Variants in HYI observed in about 807,000 individuals in gnomAD.
HYI encodes the protein putative hydroxypyruvate isomerase.
HYI carries 47 observed loss-of-function variants against 39.7 expected under a neutral mutation model. The observed-to-expected ratio is 1.18, with a 90% CI of 0.94 to 1.51. HYI has a LOEUF of 1.51. HYI is among the 40% of genes most tolerant of loss of function. HYI has a pLI of 0.00. For synonymous variants in HYI, 186 were observed against 158.8 expected (o/e 1.17, Z -1.29); for missense variants, 465 against 370.3 (o/e 1.26, Z -2.10).
At chr1:43,452,077 A>G in intron 3 of HYI, 64 bp from the exon 4 acceptor site, 2 of 1,545,650 alleles carry the variant, frequency 1.3e-6, no homozygotes, top group Non-Finnish European at 1.8e-6. Flanking sequence ...TCAGTCAGTC[A>G]CTGGTCAAGG....
Position 43,453,621 on chromosome 1 carries a change from C to G in HYI, c.173G>C (p.Arg58Pro). ...LARAAREAGL[R>P]LVLINTPPGD... is the part of the protein sequence containing the mutation. ...CGGGGGCGTGTTGATCAGTACAAGC[C>G]GCAGCCCCGCTTCTCGCGCGGCGCG... The change falls in exon 1 of 8, where the codon CGG becomes CCG. Residue 58 changes from arginine to proline, a missense_variant. Physicochemically the swap from Arg to Pro is moderately radical, Grantham distance 103. Transcript: ENST00000372430. 6.7e-7 allele frequency: 1 copy of G among 1,500,222 alleles called. No homozygotes were observed. Among genetic ancestry groups the G allele is most frequent in the South Asian group, 1.3e-5 (1 of 78,944 alleles). The allele number at this position is 1,500,222 out of a possible 1,614,324, so 92.9% of individuals were successfully genotyped here.
At position 43,453,602 on chromosome 1, in the gene HYI, C is replaced by G. The variant is rs918019477; in HGVS notation, c.192G>C (p.Thr64=). 1 of 1,523,144 alleles carries G rather than the reference C, an allele frequency of 6.6e-7. No homozygotes were observed. Among genetic ancestry groups the G allele is most frequent in the African/African-American group, 1.4e-5 (1 of 72,132 alleles). The allele number at this position is 1,523,144 out of a possible 1,614,324, so 94.4% of individuals were successfully genotyped here. ...TCCCGGCCCGCGACGCACCCGGGGGCGTGTTGATCAGTACAAGCCGCAGCC... is the reference window on the plus strand; with the variant it reads ...TCCCGGCCCGCGACGCACCCGGGGGGGTGTTGATCAGTACAAGCCGCAGCC... ...EAGLRLVLIN[T]PPGDQEKGEM... is the part of the protein sequence containing the mutation. Residue 64 remains threonine, a synonymous_variant, in exon 1 of 8, where the codon ACG becomes ACC. Transcript: ENST00000372430.
rs1178290942 is a variant in HYI at position 43,453,546 on chromosome 1, G to GC, written c.199+48dup. The GC allele has an allele frequency of 9.9e-6, 15 of 1,520,212 alleles. 1 individual carries two copies. The highest frequency in any genetic ancestry group is 9.7e-5 in the African/African-American group (7 of 72,512). 94.2% of individuals were successfully genotyped at this position (1,520,212 alleles called of 1,614,324 possible). ...CCCCGGCTCGGACACTCCCCTGCCC[G>GC]CGCCCCGGCACCCCCCAGCCCTCCC... On this transcript the variant is annotated intron_variant, in intron 1 of 7. Transcript: ENST00000372430.
Position 43,453,402 on chromosome 1 carries a change from C to T in HYI, c.295G>A (p.Ala99Thr), listed in dbSNP as rs137998671. 3.2e-6 allele frequency: 5 copies of T among 1,555,744 alleles called. No homozygotes were observed. Among genetic ancestry groups the T allele is most frequent in the East Asian group, 4.8e-5 (2 of 41,420 alleles). The change falls in exon 2 of 8, where the codon GCC becomes ACC. Residue 99 changes from alanine to threonine, a missense_variant. Ala to Thr is a moderately conservative substitution (Grantham distance 58). Coordinates refer to ENST00000372430, the MANE Select transcript of HYI (RefSeq NM_001190880.3). ...GCGGGGTACCTGGGACAGCCCAGGG[C>T]TTTGGCATACCGCACGGCCTGCTCC... ...GLEQAVRYAK[A>T]LGCPRIHLMA...
chr1:43,453,483 C>G lies in HYI; in HGVS notation c.214G>C (p.Gly72Arg). ...GGGACGGCCCCCAGCCCCATTTCCC[C>G]CTTCTCTTGGTCTCCTGCAGAGAGA... ...INTPPGDQEK[G>R]EMGLGAVPGR... is the part of the protein sequence containing the mutation. Residue 72 changes from glycine to arginine, a missense_variant, in exon 2 of 8, where the codon GGG becomes CGG. By Grantham distance (125) the Gly-to-Arg change is moderately radical. Coordinates refer to ENST00000372430, the MANE Select transcript of HYI (RefSeq NM_001190880.3). 1 of 1,558,388 alleles carries G rather than the reference C, an allele frequency of 6.4e-7. No homozygotes were observed. The highest frequency in any genetic ancestry group is 8.7e-7 in the Non-Finnish European group (1 of 1,150,326).
rs377170811 is a variant in HYI, at chr1:43,453,466, C to A, written c.231G>T (p.Gly77=). 37 of 1,561,718 alleles carry A rather than the reference C, an allele frequency of 2.4e-5. No individual in the cohort carries two copies. In the African/African-American group the frequency reaches 4.9e-4, roughly 21 times the overall value. ...AGGCCGCCTGTCTCCCGGGGACGGC[C>A]CCCAGCCCCATTTCCCCCTTCTCTT... is the stretch of plus-strand genomic sequence containing the variant. ...GDQEKGEMGL[G]AVPGRQAAFR... Residue 77 remains glycine (G), a synonymous_variant, in exon 2 of 8, where the codon GGG becomes GGT. Coordinates refer to ENST00000372430, the MANE Select transcript of HYI (RefSeq NM_001190880.3).
At chr1:43,452,082 T>A (rs1183559956) in intron 3 of HYI, 69 bp from the exon 4 acceptor site, 1 of 1,535,342 alleles carries the variant, frequency 6.5e-7, no homozygotes, top group Middle Eastern at 1.7e-4. Flanking sequence ...CAGTCACTGG[T>A]CAAGGCCCTC....
chr1:43,453,814 G>A lies in HYI; in HGVS notation c.-21C>T. On this transcript the variant is annotated 5_prime_UTR_variant, in exon 1 of 8. Coordinates refer to ENST00000372430, the MANE Select transcript of HYI (RefSeq NM_001190880.3). ...GCCATGCCTGGGGAGGCCGGGCCGG[G>A]CGGAGTCCGCGGGATCCAAAGGCGG... 1 of 1,245,456 alleles carries A rather than the reference G, an allele frequency of 8.0e-7. No homozygotes were observed. Among genetic ancestry groups the A allele is most frequent in the African/African-American group, 1.6e-5 (1 of 63,904 alleles). 77.2% of individuals were successfully genotyped at this position (1,245,456 alleles called of 1,614,324 possible). A position where few individuals can be genotyped will look rare whatever the true frequency, so the allele number is the denominator to read the frequency against.
intron 1 of HYI, 26 bp downstream of exon 1, chr1:43,453,569 C>T (rs1400628637): frequency 2.0e-6 from 3 of 1,498,492 alleles, no homozygotes; most frequent in Non-Finnish European, 1.8e-6. Flanking sequence ...CCCCAGCCCT[C>T]CCAGCCCTCC....
Position 43,453,861 on chromosome 1 carries a change from C to CGGGCGGGGGCGG in HYI, c.-80_-69dup, listed in dbSNP as rs567315893. 2.2e-5 allele frequency: 17 copies of CGGGCGGGGGCGG among 757,910 alleles called. No individual in the cohort carries two copies. The highest frequency in any genetic ancestry group is 3.0e-5 in the Non-Finnish European group (17 of 574,656). 46.9% of individuals were successfully genotyped at this position (757,910 alleles called of 1,614,324 possible). Reference sequence around the variant, plus strand: ...GCGGCGGGCGGCGGGCGGCGGGCGGCGGGCGGGGGCGGGGCTCTCCTTGCT... The same window carrying CGGGCGGGGGCGG: ...GCGGCGGGCGGCGGGCGGCGGGCGGCGGGCGGGGGCGGGGGCGGGGGCGGGGCTCTCCTTGCT... On this transcript the variant is annotated 5_prime_UTR_variant, in exon 1 of 8. Coordinates refer to ENST00000372430, the MANE Select transcript of HYI (RefSeq NM_001190880.3).
At chr1:43,452,449 C>T (rs1656548324) in intron 2 of HYI, 130 bp from the exon 3 acceptor site, 1 of 744,454 alleles carries the variant, frequency 1.3e-6, no homozygotes, top group Non-Finnish European at 2.4e-6. Context: ...GTCACGATGC[C>T]CAGGTATCCC....
chr1:43,451,866 A>T lies in HYI; in HGVS notation c.506-19T>A, dbSNP rs1656471599. The T allele has an allele frequency of 6.2e-7, 1 of 1,614,034 alleles. No homozygotes were observed. Among genetic ancestry groups the T allele is most frequent in the South Asian group, 1.1e-5 (1 of 91,074 alleles). On this transcript the variant is annotated intron_variant, in intron 4 of 7. Coordinates refer to ENST00000372430, the MANE Select transcript of HYI (RefSeq NM_001190880.3). ...GCTGCCGCTGTAAGAGAAGCCAGGG[A>T]GGGGACCGTGAGCCTCAAGAGCACA... is the stretch of plus-strand genomic sequence containing the variant.
In HYI at chr1:43,451,973, A is replaced by G. The variant is rs1656484882; in HGVS notation, c.467T>C (p.Ile156Thr). 6.2e-7 allele frequency: 1 copy of G among 1,611,604 alleles called. No individual in the cohort carries two copies. The highest frequency in any genetic ancestry group is 8.5e-7 in the Non-Finnish European group (1 of 1,178,328). The stretch of plus-strand genomic sequence containing the variant: ...GTCCAGGAAGTACTGGGGGTCAGTG[A>G]TGCGGGTGTTGATGGGCTCCAGCAG... ...VGLLEPINTR[I>T]TDPQYFLDTP... Residue 156 changes from isoleucine (I) to threonine (T), a missense_variant, in exon 4 of 8, where the codon ATC becomes ACC. Coordinates refer to ENST00000372430, the MANE Select transcript of HYI (RefSeq NM_001190880.3).
Position 43,453,834 on chromosome 1 carries a change from A to G in HYI, c.-41T>C, listed in dbSNP as rs1453041257. 1.3e-5 allele frequency: 15 copies of G among 1,194,514 alleles called. No individual in the cohort carries two copies. The East Asian group carries it at 1.4e-4, about 11-fold the overall frequency. 74.0% of individuals were successfully genotyped at this position (1,194,514 alleles called of 1,614,324 possible). ...GCCGGGCGGAGTCCGCGGGATCCAAAGGCGGCGGGCGGCGGGCGGCGGGCG... is the reference window on the plus strand; with the variant it reads ...GCCGGGCGGAGTCCGCGGGATCCAAGGGCGGCGGGCGGCGGGCGGCGGGCG... On this transcript the variant is annotated 5_prime_UTR_variant, in exon 1 of 8. Transcript: ENST00000372430.
downstream of HYI, chr1:43,450,698 A>C (rs570685649): frequency 3.5e-5 from 26 of 742,550 alleles, no homozygotes; most frequent in Admixed American, 5.7e-4. The surrounding 1 kb of genome is among the most constrained non-coding windows in gnomAD (Gnocchi z 4.3). Context: ...CCCATCCAGG[A>C]CTCCAGAGAG....
intron 4 of HYI, 33 bp downstream of exon 4, chr1:43,451,902 G>A: frequency 6.2e-7 from 1 of 1,613,538 alleles, no homozygotes; most frequent in Non-Finnish European, 8.5e-7. Context: ...GGAATCAAAA[G>A]GGACAGAAGG....
Position 43,451,119 on chromosome 1 carries a change from A to G in HYI, c.*119T>C, listed in dbSNP as rs566347388. 46 of 981,148 alleles carry G rather than the reference A, an allele frequency of 4.7e-5. No homozygotes were observed. In the African/African-American group the frequency reaches 6.0e-4, roughly 13 times the overall value. 60.8% of individuals were successfully genotyped at this position (981,148 alleles called of 1,614,324 possible). A position where few individuals can be genotyped will look rare whatever the true frequency, so the allele number is the denominator to read the frequency against. The stretch of plus-strand genomic sequence containing the variant: ...CAGAGAAACTGAAGTGTTAGACACT[A>G]TGTGTCCCACCACCCCATTACAGAG... On this transcript the variant is annotated 3_prime_UTR_variant, in exon 8 of 8. Coordinates refer to ENST00000372430, the MANE Select transcript of HYI (RefSeq NM_001190880.3).
chr1:43,450,613 G>A, downstream of HYI: 3 of 1,353,374 alleles, frequency 2.2e-6, no homozygotes, highest in Admixed American at 4.2e-5. This position sits in a 1 kb window ranked among gnomAD's most constrained non-coding sequence, Gnocchi z 4.3. Flanking sequence ...CAAAGGCTTT[G>A]TAACTATGTC....
chr1:43,452,828 C>T, intron 2 of HYI: 1 of 1,471,900 alleles, frequency 6.8e-7, no homozygotes, highest in South Asian at 1.2e-5. Flanking sequence ...CACCTCCTCC[C>T]ATCATCCCCT....
Sources: gnomAD v4.1 joint callset for allele counts on GRCh38, gnomAD v4.1.1 for gene constraint, Gnocchi (gnomAD v3.1) non-coding constraint, MANE v1.5 for transcripts, NCBI Gene and HGNC (gene_info 2026-07-23, HGNC 2026-07-21) for gene names.